The following POU6F2 variants were observed in gnomAD, a reference collection of about 807,000 sequenced individuals.
POU6F2 encodes the protein POU class 6 homeobox 2.
Under a neutral mutation model 71.3 loss-of-function variants are expected in POU6F2, and 31 were observed. The observed-to-expected ratio is 0.43, with a 90% CI of 0.33 to 0.59. POU6F2 has a LOEUF of 0.59. Ranked by LOEUF, POU6F2 falls within the 20% of genes least tolerant of loss-of-function variation. The pLI, the probability that POU6F2 is intolerant of heterozygous loss-of-function variation, is 0.04. For missense variants in POU6F2, 783 were observed against 856.8 expected (o/e 0.91, Z 1.07); for synonymous variants, 347 against 355.7 (o/e 0.98, Z 0.27).
chr7:39,256,190 T>G (rs1252952503), intron 4 of POU6F2, among the ~76,000 whole-genome samples: 2 of 152,034 alleles, frequency 1.3e-5, no homozygotes, highest in Non-Finnish European at 2.9e-5. Context: ...TTCATTACTC[T>G]CACCTTGTTA....
chr7:39,088,131 A>T (rs1791292849), intron 2 of POU6F2, among the ~76,000 whole-genome samples: 1 of 152,166 alleles, frequency 6.6e-6, no homozygotes, highest in Non-Finnish European at 1.5e-5. Flanking sequence ...TGGTCTCTAG[A>T]CTGTTTTTCA....
chr7:39,070,443 A>G (rs1419966941), intron 1 of POU6F2, among the ~76,000 whole-genome samples: 3 of 152,002 alleles, frequency 2.0e-5, no homozygotes, highest in African/African-American at 7.2e-5. Context: ...TTTGGAAGGC[A>G]CATCAGACCT....
chr7:39,404,855 G>A (rs1787387704), intron 5 of POU6F2: 1 of 151,672 alleles, frequency 6.6e-6, no homozygotes, highest in Non-Finnish European at 1.5e-5. Flanking sequence ...AACAAGGAGA[G>A]TTACTTCTGG....
intron 1 of POU6F2, among the ~76,000 whole-genome samples, chr7:38,990,710 G>A (rs190581517): frequency 9.2e-5 from 14 of 151,790 alleles, no homozygotes; most frequent in East Asian, 5.8e-4. Flanking sequence ...ATCTTGTACC[G>A]CCACCTCTCC....
rs141261366 is a variant in POU6F2 at position 39,435,549 on chromosome 7, T to A, written c.1320+2266T>A. Reference sequence around the variant, plus strand: ...ATTAGACCTTTGTCAGATGGATAGATTGCAAAAATTTTCTCCCATTCTGTA... The same window carrying A: ...ATTAGACCTTTGTCAGATGGATAGAATGCAAAAATTTTCTCCCATTCTGTA... On this transcript the variant is annotated intron_variant, in intron 7 of 9. Coordinates refer to ENST00000518318, the MANE Select transcript of POU6F2 (RefSeq NM_001370959.1). Among the ~76,000 whole-genome samples, 344 of 152,348 alleles carry A rather than the reference T, an allele frequency of 2.3e-3. 4 individuals are homozygous for A. The highest frequency in any genetic ancestry group is 7.5e-3 in the African/African-American group (310 of 41,584).
intron 2 of POU6F2, among the ~76,000 whole-genome samples, chr7:39,178,190 G>T (rs921671188): frequency 1.3e-5 from 2 of 152,124 alleles, no homozygotes; most frequent in East Asian, 1.9e-4. Context: ...GGTGGCAGAG[G>T]TTGCAGTGAG....
chr7:39,250,181 C>A (rs1783890130), intron 4 of POU6F2, among the ~76,000 whole-genome samples: 1 of 152,174 alleles, frequency 6.6e-6, no homozygotes, highest in Non-Finnish European at 1.5e-5. Flanking sequence ...CCCACACACA[C>A]CCACTCACTT....
chr7:39,260,538 C>T (rs539601658), intron 4 of POU6F2, among the ~76,000 whole-genome samples: 163 of 125,718 alleles, frequency 1.3e-3, no homozygotes, highest in African/African-American at 4.3e-3. Flanking sequence ...ACACATACCA[C>T]GTTCCACACA....
intron 1 of POU6F2, among the ~76,000 whole-genome samples, chr7:39,078,896 C>G (rs1379151391): frequency 1.3e-5 from 2 of 151,988 alleles, no homozygotes; most frequent in Non-Finnish European, 2.9e-5. Context: ...TCCAGCCTGG[C>G]GACAGAGCAA....
chr7:39,123,650 T>C (rs1792088560), intron 2 of POU6F2, among the ~76,000 whole-genome samples: 1 of 152,182 alleles, frequency 6.6e-6, no homozygotes, highest in African/African-American at 2.4e-5. Flanking sequence ...TAACAGCACT[T>C]CTATTATCTC....
In POU6F2 at chr7:39,464,905, A is replaced by C; in HGVS notation, c.*219A>C. 1.6e-6 allele frequency: 1 copy of C among 630,254 alleles called. No homozygotes were observed. Among genetic ancestry groups the C allele is most frequent in the Non-Finnish European group, 2.6e-6 (1 of 382,960 alleles). 39.0% of individuals were successfully genotyped at this position (630,254 alleles called of 1,614,324 possible). ...AAGGAAAGAAGAAAATTTTTAGAAA[A>C]TTTTTAAACAAGGAATACACCACAC... On this transcript the variant is annotated 3_prime_UTR_variant, in exon 10 of 10. Coordinates refer to ENST00000518318, the MANE Select transcript of POU6F2 (RefSeq NM_001370959.1). The surrounding 1 kb of genome is among the most constrained non-coding windows in gnomAD (Gnocchi z 4.1).
At chr7:39,028,142 G>GAAGAT (rs1789857121) in intron 1 of POU6F2, among the ~76,000 whole-genome samples, 1 of 151,692 alleles carries the variant, frequency 6.6e-6, no homozygotes, top group Non-Finnish European at 1.5e-5. Context: ...TTATCTCTGT[G>GAAGAT]AAAAGCCTGT....
At chr7:39,328,258 A>G (rs1283203971) in intron 4 of POU6F2, among the ~76,000 whole-genome samples, 1 of 152,228 alleles carries the variant, frequency 6.6e-6, no homozygotes, top group Admixed American at 6.5e-5. Flanking sequence ...AGCCATTAAT[A>G]TTCTAATGCT....
intron 1 of POU6F2, among the ~76,000 whole-genome samples, chr7:39,022,581 C>G (rs936392899): frequency 6.6e-6 from 1 of 152,060 alleles, no homozygotes; most frequent in South Asian, 2.1e-4. Flanking sequence ...TTATATTTTC[C>G]TGTTCTAAAG....
intron 2 of POU6F2, among the ~76,000 whole-genome samples, chr7:39,175,335 C>T (rs946540426): frequency 9.2e-5 from 14 of 152,112 alleles, no homozygotes; most frequent in East Asian, 7.7e-4. Context: ...TCCAAAATTT[C>T]GTGCATCAGT....
At chr7:39,048,411 GTCTATGTGT>G (rs1790335615) in intron 1 of POU6F2, among the ~76,000 whole-genome samples, 1 of 151,534 alleles carries the variant, frequency 6.6e-6, no homozygotes, top group Non-Finnish European at 1.5e-5. Flanking sequence ...CCCTCTTTGT[GTCTATGTGT>G]TCTAAGTGAG....
chr7:39,451,294 G>T (rs568054957), intron 7 of POU6F2, among the ~76,000 whole-genome samples: 4 of 150,332 alleles, frequency 2.7e-5, no homozygotes, highest in African/African-American at 9.8e-5. Flanking sequence ...AACAAGCCAA[G>T]TAGGGAATTA....
intron 2 of POU6F2, among the ~76,000 whole-genome samples, chr7:39,153,452 G>A (rs1279380829): frequency 1.3e-5 from 2 of 151,996 alleles, no homozygotes; most frequent in Non-Finnish European, 2.9e-5. Flanking sequence ...GAAAAATGGG[G>A]TCGAGAGCAT....
intron 2 of POU6F2, among the ~76,000 whole-genome samples, chr7:39,191,611 G>A (rs985268537): frequency 5.3e-5 from 8 of 152,180 alleles, no homozygotes. Flanking sequence ...ATGTAATGGT[G>A]TTAAAATAAT....
Sources: gnomAD v4.1 joint callset for allele counts (sites outside exome capture counted in the v4.1 genomes callset) on GRCh38, gnomAD v4.1.1 for gene constraint, Gnocchi (gnomAD v3.1) non-coding constraint, MANE v1.5 for transcripts, NCBI Gene and HGNC (gene_info 2026-07-23, HGNC 2026-07-21) for gene names.